SOS2: variants seen among roughly 807,000 people sequenced by gnomAD.
SOS2 encodes son of sevenless homolog 2.
In SOS2, 65 loss-of-function variants were observed where a neutral mutation model predicts 148.2. That is an observed-to-expected ratio of 0.44 (90% confidence interval 0.36 to 0.54). The LOEUF (loss-of-function observed/expected upper bound fraction) is 0.54. SOS2 is among the 20% of genes least tolerant of loss of function. The pLI is 0.00. For synonymous variants in SOS2, 539 were observed against 537.1 expected (o/e 1.00, Z -0.05); for missense variants, 1,341 against 1,590.2 (o/e 0.84, Z 2.67).
At chr14:50,134,039 AT>A in intron 19 of SOS2, 83 bp downstream of exon 19, 1 of 783,912 alleles carries the variant, frequency 1.3e-6, no homozygotes, top group South Asian at 1.5e-5. Flanking sequence ...ATTCAATTAC[AT>A]TTTTAAGATA....
intron 3 of SOS2, 144 bp downstream of exon 3, chr14:50,200,809 C>T (rs903407453): frequency 1.6e-5 from 10 of 615,512 alleles, no homozygotes; most frequent in East Asian, 8.5e-5. Context: ...TTAATATATG[C>T]GATGTGTATG....
intron 16 of SOS2, among the ~76,000 whole-genome samples, chr14:50,144,489 G>C (rs1236384215): frequency 6.6e-6 from 1 of 152,002 alleles, no homozygotes; most frequent in African/African-American, 2.4e-5. Context: ...CCAGCCTGGA[G>C]TGCAGTGGTG....
intron 21 of SOS2, among the ~76,000 whole-genome samples, chr14:50,124,503 T>A (rs1307836536): frequency 6.6e-6 from 1 of 152,236 alleles, no homozygotes; most frequent in Non-Finnish European, 1.5e-5. Context: ...ACTGAATCAG[T>A]AACATCAAAG....
At chr14:50,228,703 C>T (rs4144655) in intron 1 of SOS2, among the ~76,000 whole-genome samples, 42,430 of 152,006 alleles carry the variant, frequency 0.28, 6,797 homozygotes, top group East Asian at 0.48. Flanking sequence ...CACACAAATA[C>T]CCCTTACTGA....
At chr14:50,182,355 A>T in intron 6 of SOS2, 108 bp downstream of exon 6, 2 of 976,310 alleles carry the variant, frequency 2.0e-6, no homozygotes, top group Non-Finnish European at 3.1e-6. Context: ...TAATTATTTT[A>T]CTTTTTTATG....
At chr14:50,154,872 G>C (rs1884767354) in intron 12 of SOS2, among the ~76,000 whole-genome samples, 1 of 152,142 alleles carries the variant, frequency 6.6e-6, no homozygotes, top group East Asian at 1.9e-4. Context: ...TTGGATTATG[G>C]AGATACATGT....
At chr14:50,222,730 A>G (rs1049738421) in intron 1 of SOS2, among the ~76,000 whole-genome samples, 1 of 152,230 alleles carries the variant, frequency 6.6e-6, no homozygotes, top group African/African-American at 2.4e-5. Flanking sequence ...ACAAGGGACA[A>G]TATTAAAGAG....
intron 16 of SOS2, among the ~76,000 whole-genome samples, chr14:50,143,749 A>G (rs1360842098): frequency 1.3e-5 from 2 of 151,426 alleles, no homozygotes; most frequent in East Asian, 3.9e-4. Flanking sequence ...CTCACTAGTT[A>G]TTTTTTAACA....
At chr14:50,191,066 C>T (rs1180699364) in intron 4 of SOS2, among the ~76,000 whole-genome samples, 2 of 152,168 alleles carry the variant, frequency 1.3e-5, no homozygotes, top group Admixed American at 6.5e-5. Flanking sequence ...ATTAAAACTG[C>T]TCTCACTATT....
At chr14:50,140,588 C>T (rs549694604) in intron 16 of SOS2, among the ~76,000 whole-genome samples, 6 of 152,186 alleles carry the variant, frequency 3.9e-5, no homozygotes, top group African/African-American at 1.2e-4. Context: ...AACCCCAGAG[C>T]GAACACTATG....
Position 50,130,038 on chromosome 14 carries a change from G to A in SOS2, c.3338-36C>T, listed in dbSNP as rs780071369. 1.1e-5 allele frequency: 15 copies of A among 1,317,170 alleles called. No homozygotes were observed. The South Asian group carries it at 1.7e-4, about 15-fold the overall frequency. 81.6% of individuals were successfully genotyped at this position (1,317,170 alleles called of 1,614,324 possible). A position where few individuals can be genotyped will look rare whatever the true frequency, so the allele number is the denominator to read the frequency against. On this transcript the variant is annotated intron_variant, in intron 20 of 22. Coordinates refer to ENST00000216373, the MANE Select transcript of SOS2 (RefSeq NM_006939.4). ...AAGAAAAATTAATTTGAAAAGGAAGGTAACATGTAGGTATTATTTTTTAAA... is the reference window on the plus strand; with the variant it reads ...AAGAAAAATTAATTTGAAAAGGAAGATAACATGTAGGTATTATTTTTTAAA...
intron 14 of SOS2, among the ~76,000 whole-genome samples, chr14:50,148,664 A>C (rs1447367548): frequency 6.6e-6 from 1 of 152,202 alleles, no homozygotes; most frequent in Non-Finnish European, 1.5e-5. Flanking sequence ...ATTACTTAAA[A>C]TATAACATAA....
In SOS2 at chr14:50,158,618, G is replaced by A. The variant is rs749445215; in HGVS notation, c.1881C>T (p.Thr627=). ...GTGGTTTACAAAATGAACGATATGTGGTAAGAAAAGTACGAACAAAATTGG... is the reference window on the plus strand; with the variant it reads ...GTGGTTTACAAAATGAACGATATGTAGTAAGAAAAGTACGAACAAAATTGG... ...ADPNFVRTFL[T]TYRSFCKPQE... Residue 627 remains threonine, a synonymous_variant, in exon 11 of 23, where the codon ACC becomes ACT. Transcript: ENST00000216373. 1.6e-5 allele frequency: 25 copies of A among 1,608,616 alleles called. No individual in the cohort carries two copies. Among genetic ancestry groups the A allele is most frequent in the Non-Finnish European group, 2.0e-5 (23 of 1,176,882 alleles).
At position 50,140,645 on chromosome 14, in the gene SOS2, G is replaced by C. The variant is rs142245380; in HGVS notation, c.2668-586C>G. Among the ~76,000 whole-genome samples, 326 of 152,226 alleles carry C rather than the reference G, an allele frequency of 2.1e-3. 2 individuals carry two copies. The highest frequency in any genetic ancestry group is 7.2e-3 in the African/African-American group (299 of 41,542). The stretch of plus-strand genomic sequence containing the variant: ...CAATTTCCTTTAAATCAAGGAAAAA[G>C]CCAAGGGTATAACATTGTAGCTTTT... On this transcript the variant is annotated intron_variant, in intron 16 of 22. Transcript: ENST00000216373.
At chr14:50,119,803 C>CTTTT (rs59325250) in intron 22 of SOS2, among the ~76,000 whole-genome samples, 32 of 68,516 alleles carry the variant, frequency 4.7e-4, no homozygotes, top group African/African-American at 5.1e-4. Flanking sequence ...CCCAACCAGC[C>CTTTT]TTTTTTTTTT....
chr14:50,209,274 C>CGTGTGTGTGTGTGT (rs140994310), intron 1 of SOS2, among the ~76,000 whole-genome samples: 3,884 of 118,274 alleles, frequency 0.033, 246 homozygotes, highest in Middle Eastern at 0.07. Flanking sequence ...CCTTAAATGT[C>CGTGTGTGTGTGTGT]GTGTGTGTGT....
chr14:50,131,226 A>C (rs1189546007), intron 19 of SOS2, among the ~76,000 whole-genome samples: 1 of 152,132 alleles, frequency 6.6e-6, no homozygotes, highest in Non-Finnish European at 1.5e-5. Context: ...GAAAATTCCT[A>C]TCATTGTCTC....
intron 7 of SOS2, among the ~76,000 whole-genome samples, chr14:50,178,715 C>CAT (rs1885621835): frequency 5.1e-5 from 1 of 19,514 alleles, no homozygotes; most frequent in Admixed American, 6.4e-4. Context: ...TATATATACA[C>CAT]ACATATACAC....
intron 15 of SOS2, 29 bp downstream of exon 15, chr14:50,145,448 G>A: frequency 6.3e-7 from 1 of 1,586,326 alleles, no homozygotes; most frequent in African/African-American, 1.4e-5. Flanking sequence ...ATGGCTATTA[G>A]GAGGTAGTAA....
Sources: allele counts gnomAD v4.1 joint callset (sites outside exome capture counted in the v4.1 genomes callset), GRCh38; gene constraint gnomAD v4.1.1; transcripts MANE v1.5; gene names NCBI Gene and HGNC (gene_info 2026-07-23, HGNC 2026-07-21).